The following VPS13B variants were observed in gnomAD, a reference collection of about 807,000 sequenced individuals.
VPS13B encodes the protein intermembrane lipid transfer protein VPS13B.
In VPS13B, 285 loss-of-function variants were observed where a neutral mutation model predicts 426.4. The ratio of observed to expected loss-of-function variants is 0.67; its 90% CI spans 0.61 to 0.74. The LOEUF is 0.74. Among genes scored for constraint, VPS13B ranks in the 30% least tolerant of loss-of-function variants. The pLI is 0.00. For missense variants in VPS13B, 4,537 were observed against 4,782.6 expected, an observed-to-expected ratio of 0.95 and a Z score of 1.51; for synonymous variants, 1,676 against 1,676.4, an observed-to-expected ratio of 1.00 and a Z score of 0.01.
At position 99,100,292 on chromosome 8, in the gene VPS13B, A is replaced by T. The variant is rs201712788; in HGVS notation, c.413-2661A>T. On this transcript the variant is annotated intron_variant, in intron 4 of 61. Transcript: ENST00000357162. ...TTATAATACAAAATGGAAAGAAAAA[A>T]AAATATATATATTTTGAGACACGGT... is the stretch of plus-strand genomic sequence containing the variant. 9.9e-5 allele frequency among the ~76,000 whole-genome samples: 15 copies of T among 152,058 alleles called. No individual in the cohort carries two copies. In the East Asian group the frequency reaches 2.3e-3, roughly 24 times the overall value.
chr8:99,312,076 G>A (rs1227332234), intron 19 of VPS13B, among the ~76,000 whole-genome samples: 2 of 152,162 alleles, frequency 1.3e-5, no homozygotes, highest in Non-Finnish European at 2.9e-5. Flanking sequence ...CTCTGCATGT[G>A]AGATGGGTCT....
intron 40 of VPS13B, among the ~76,000 whole-genome samples, chr8:99,774,962 A>G (rs1000074647): frequency 4.0e-4 from 61 of 152,310 alleles, no homozygotes; most frequent in African/African-American, 1.4e-3. Context: ...CTTACACCAC[A>G]TAACTGAAAA....
At chr8:99,390,679 G>C (rs1814393351) in intron 20 of VPS13B, among the ~76,000 whole-genome samples, 2 of 152,140 alleles carry the variant, frequency 1.3e-5, no homozygotes, top group African/African-American at 2.4e-5. Flanking sequence ...TGATACAGCT[G>C]TGTTACAGTT....
chr8:99,071,039 G>C (rs1438863047), intron 3 of VPS13B, among the ~76,000 whole-genome samples: 2 of 152,020 alleles, frequency 1.3e-5, no homozygotes, highest in Non-Finnish European at 2.9e-5. Flanking sequence ...AAGTATTTTA[G>C]GTTCTCTGTC....
At chr8:99,400,562 G>A (rs72674606) in intron 21 of VPS13B, among the ~76,000 whole-genome samples, 149 of 152,268 alleles carry the variant, frequency 9.8e-4, no homozygotes, top group Non-Finnish European at 1.4e-3. Context: ...GTAATAAAGC[G>A]TGTAAGGTTA....
At chr8:99,062,393 A>T (rs144634970) in intron 3 of VPS13B, among the ~76,000 whole-genome samples, 1 of 152,228 alleles carries the variant, frequency 6.6e-6, no homozygotes, top group African/African-American at 2.4e-5. Context: ...ATAAATTATC[A>T]TTATTCTTTT....
chr8:99,330,661 A>T (rs1175629210), intron 19 of VPS13B, among the ~76,000 whole-genome samples: 1 of 151,818 alleles, frequency 6.6e-6, no homozygotes, highest in Non-Finnish European at 1.5e-5. Flanking sequence ...TTGTGGGATA[A>T]TGGAGTGCTG....
At chr8:99,188,644 A>G (rs990455611) in intron 16 of VPS13B, among the ~76,000 whole-genome samples, 1 of 152,106 alleles carries the variant, frequency 6.6e-6, no homozygotes, top group African/African-American at 2.4e-5. Flanking sequence ...CTTTTTTACA[A>G]ATTGCCAAAT....
chr8:99,819,643 A>G, intron 48 of VPS13B, 61 bp downstream of exon 48: 1 of 1,556,730 alleles, frequency 6.4e-7, no homozygotes, highest in Non-Finnish European at 8.8e-7. Flanking sequence ...ATGATCATTC[A>G]CAAAAATATT....
At chr8:99,184,772 C>T (rs551685859) in intron 16 of VPS13B, among the ~76,000 whole-genome samples, 1 of 152,302 alleles carries the variant, frequency 6.6e-6, no homozygotes, top group South Asian at 2.1e-4. Flanking sequence ...TGGTGGATCA[C>T]TTCAGGTCAG....
chr8:99,379,478 T>C (rs1813677148), intron 19 of VPS13B, among the ~76,000 whole-genome samples: 1 of 152,204 alleles, frequency 6.6e-6, no homozygotes, highest in Non-Finnish European at 1.5e-5. Context: ...ATAGCTTTTC[T>C]TGGTTTTTCC....
At chr8:99,645,539 G>C (rs559937984) in intron 34 of VPS13B, among the ~76,000 whole-genome samples, 218 of 152,252 alleles carry the variant, frequency 1.4e-3, no homozygotes, top group Non-Finnish European at 2.2e-3. Flanking sequence ...GATTATAATA[G>C]ATATCAACAA....
At chr8:99,150,158 T>C (rs187035231) in intron 14 of VPS13B, among the ~76,000 whole-genome samples, 2 of 152,274 alleles carry the variant, frequency 1.3e-5, no homozygotes, top group African/African-American at 4.8e-5. Flanking sequence ...GTAGAGAAAA[T>C]TTCACTGGAG....
At chr8:99,327,554 G>C (rs1810339995) in intron 19 of VPS13B, among the ~76,000 whole-genome samples, 1 of 151,814 alleles carries the variant, frequency 6.6e-6, no homozygotes. Context: ...AGCACATGGG[G>C]TTAATTAAAA....
At chr8:99,236,776 G>T (rs1166478710) in intron 17 of VPS13B, among the ~76,000 whole-genome samples, 1 of 152,164 alleles carries the variant, frequency 6.6e-6, no homozygotes, top group Non-Finnish European at 1.5e-5. Flanking sequence ...GGAGAATGGA[G>T]AAAAAAGAGG....
At chr8:99,755,843 C>G (rs1383458605) in intron 39 of VPS13B, among the ~76,000 whole-genome samples, 1 of 151,704 alleles carries the variant, frequency 6.6e-6, no homozygotes, top group Admixed American at 6.6e-5. Context: ...TTAAAGTTCC[C>G]TTTGTTTATT....
intron 58 of VPS13B, among the ~76,000 whole-genome samples, chr8:99,867,137 G>A (rs990340202): frequency 6.6e-6 from 1 of 152,160 alleles, no homozygotes; most frequent in Non-Finnish European, 1.5e-5. Context: ...TCTACCAGGG[G>A]CCAGAGCATT....
intron 22 of VPS13B, among the ~76,000 whole-genome samples, chr8:99,441,295 C>A (rs1373812927): frequency 1.3e-5 from 2 of 152,020 alleles, no homozygotes; most frequent in Admixed American, 1.3e-4. Context: ...AATTCCAAAC[C>A]TGTTAAATAT....
chr8:99,128,140 C>T (rs1290212839), intron 8 of VPS13B, among the ~76,000 whole-genome samples: 3 of 152,070 alleles, frequency 2.0e-5, no homozygotes, highest in Admixed American at 1.3e-4. Flanking sequence ...CCTGTAATCC[C>T]AGCACTTTGG....
Sources: allele counts gnomAD v4.1 joint callset (sites outside exome capture counted in the v4.1 genomes callset), GRCh38; gene constraint gnomAD v4.1.1; transcripts MANE v1.5; gene names NCBI Gene and HGNC (gene_info 2026-07-23, HGNC 2026-07-21).